NCKAP5: variants seen among roughly 807,000 people sequenced by gnomAD.
NCKAP5 encodes the protein nck-associated protein 5.
NCKAP5 carries 92 observed loss-of-function variants against 167.0 expected under a neutral mutation model. The observed-to-expected ratio is 0.55, with a 90% CI of 0.47 to 0.66. The LOEUF is 0.66. NCKAP5 is among the 30% of genes least tolerant of loss of function. The probability of loss-of-function intolerance (pLI) is 0.00; values close to 1 mark genes in which losing one functional copy is unlikely to be tolerated. For missense variants in NCKAP5, 2,378 were observed against 2,315.0 expected, an observed-to-expected ratio of 1.03 and a Z score of -0.56; for synonymous variants, 891 against 877.4, an observed-to-expected ratio of 1.02 and a Z score of -0.27.
At chr2:133,231,739 A>G (rs888329145) in intron 4 of NCKAP5, among the ~76,000 whole-genome samples, 13 of 152,336 alleles carry the variant, frequency 8.5e-5, no homozygotes, top group African/African-American at 3.1e-4. Context: ...TAACAGTGGC[A>G]AATAAAACCA....
intron 7 of NCKAP5, among the ~76,000 whole-genome samples, chr2:132,979,515 T>A (rs928453665): frequency 6.6e-6 from 1 of 152,124 alleles, no homozygotes; most frequent in Non-Finnish European, 1.5e-5. Context: ...CTTCAAACAT[T>A]TCTGGGAACT....
chr2:133,033,733 C>A (rs981725814), intron 6 of NCKAP5, among the ~76,000 whole-genome samples: 1 of 151,906 alleles, frequency 6.6e-6, no homozygotes, highest in African/African-American at 2.4e-5. Context: ...CTGAAGAACA[C>A]ATCAGAGTCC....
intron 6 of NCKAP5, chr2:133,117,639 C>G (rs961000555): frequency 7.9e-5 from 12 of 152,198 alleles, no homozygotes; most frequent in African/African-American, 2.9e-4. Context: ...AGGCAATAGA[C>G]TTGTAAGTGT....
rs2080999797 is a variant in NCKAP5, at chr2:133,086,586, G to A, written c.341+43392C>T. Among the ~76,000 whole-genome samples the A allele has an allele frequency of 2.0e-5, 3 of 152,220 alleles. 1 individual carries two copies. In the South Asian group the frequency reaches 6.2e-4, roughly 32 times the overall value. Reference sequence around the variant, plus strand: ...GAGCCTAGGAATTCAATGCTGCAGAGAGCTATGATCATGCCACTGCACTCC... The same window carrying A: ...GAGCCTAGGAATTCAATGCTGCAGAAAGCTATGATCATGCCACTGCACTCC... On this transcript the variant is annotated intron_variant, in intron 6 of 19. Transcript: ENST00000409261.
chr2:133,103,942 A>G (rs1306430859), intron 6 of NCKAP5, among the ~76,000 whole-genome samples: 1 of 152,068 alleles, frequency 6.6e-6, no homozygotes, highest in South Asian at 2.1e-4. Flanking sequence ...CTTCTTAGGT[A>G]ATCATGGTAC....
At chr2:133,137,756 G>C (rs548431657) in intron 5 of NCKAP5, among the ~76,000 whole-genome samples, 53 of 152,284 alleles carry the variant, frequency 3.5e-4, no homozygotes, top group Non-Finnish European at 6.9e-4. Flanking sequence ...AAATGAAGGT[G>C]TTAGGAATAC....
chr2:133,442,455 T>A (rs1337656981), intron 3 of NCKAP5, among the ~76,000 whole-genome samples: 1 of 152,202 alleles, frequency 6.6e-6, no homozygotes, highest in African/African-American at 2.4e-5. Context: ...ATGAACTTAT[T>A]GTCCGCACCA....
chr2:133,213,222 G>A (rs1318636409), intron 5 of NCKAP5, among the ~76,000 whole-genome samples: 2 of 152,096 alleles, frequency 1.3e-5, no homozygotes, highest in Admixed American at 6.5e-5. Flanking sequence ...AAAATACAAG[G>A]AAACATCAGT....
intron 6 of NCKAP5, among the ~76,000 whole-genome samples, chr2:133,041,861 G>A (rs2079229077): frequency 6.6e-6 from 1 of 152,088 alleles, no homozygotes; most frequent in Non-Finnish European, 1.5e-5. Flanking sequence ...TACATTTTTT[G>A]TAAAATAAAG....
intron 9 of NCKAP5, among the ~76,000 whole-genome samples, chr2:132,869,290 T>C (rs1690608021): frequency 6.6e-6 from 1 of 152,306 alleles, no homozygotes; most frequent in African/African-American, 2.4e-5. Flanking sequence ...AAAAATGATA[T>C]AGTGCAAAAC....
At chr2:133,543,375 T>C (rs900787120) in intron 2 of NCKAP5, among the ~76,000 whole-genome samples, 2 of 152,160 alleles carry the variant, frequency 1.3e-5, no homozygotes, top group African/African-American at 4.8e-5. Context: ...TCTTTATAAA[T>C]TACCCAGCCT....
At chr2:133,448,726 AC>A (rs1195266174) in intron 3 of NCKAP5, among the ~76,000 whole-genome samples, 2 of 151,854 alleles carry the variant, frequency 1.3e-5, no homozygotes, top group African/African-American at 4.8e-5. Context: ...TACAGCCTTG[AC>A]CCCCCAGGCT....
chr2:132,675,999 A>G (rs543320537), intron 19 of NCKAP5, among the ~76,000 whole-genome samples: 8 of 152,336 alleles, frequency 5.3e-5, no homozygotes, highest in Non-Finnish European at 8.8e-5. Flanking sequence ...GTCTCTAGGC[A>G]GAGCAGCCAT....
the NCKAP5 span, among the ~76,000 whole-genome samples, chr2:133,660,119 CAT>C: frequency 6.6e-6 from 1 of 152,192 alleles, no homozygotes; most frequent in Admixed American, 6.5e-5. Flanking sequence ...CTTGTGTCCA[CAT>C]GTGTCTCACC....
chr2:132,719,462 G>A (rs1017023665), intron 19 of NCKAP5, among the ~76,000 whole-genome samples: 1 of 152,228 alleles, frequency 6.6e-6, no homozygotes, highest in African/African-American at 2.4e-5. Flanking sequence ...TGGTGATTTT[G>A]GAGAGATACA....
chr2:133,034,294 T>G (rs1251477839), intron 6 of NCKAP5, among the ~76,000 whole-genome samples: 3 of 151,936 alleles, frequency 2.0e-5, no homozygotes, highest in Non-Finnish European at 2.9e-5. Flanking sequence ...AAGGAAGAAA[T>G]AAAGATGTTC....
rs769892792 is a variant in NCKAP5, at chr2:132,783,771, C to T, written c.3040G>A (p.Ala1014Thr). The T allele has an allele frequency of 4.2e-5, 67 of 1,582,164 alleles. No homozygotes were observed. The highest frequency in any genetic ancestry group is 5.2e-5 in the Non-Finnish European group (61 of 1,165,628). The change falls in exon 14 of 20, where the codon GCA becomes ACA. Residue 1014 changes from alanine to threonine, a missense_variant. By Grantham distance (58) the Ala-to-Thr change is moderately conservative. This residue lies in a region of NCKAP5 where 1,325 missense variants were observed against 1,274.5 expected (regional missense o/e 1.04). Coordinates refer to ENST00000409261, the MANE Select transcript of NCKAP5 (RefSeq NM_207363.3). ...IFTHPMPSPE[A>T]VIQTRCPAHA... is the part of the protein sequence containing the mutation. ...GCAGGGCATCGGGTTTGAATGACTG[C>T]TTCTGGGGAGGGCATAGGGTGAGTG...
At chr2:132,946,323 CA>C (rs1414953833) in intron 8 of NCKAP5, among the ~76,000 whole-genome samples, 1 of 152,022 alleles carries the variant, frequency 6.6e-6, no homozygotes, top group Non-Finnish European at 1.5e-5. Flanking sequence ...GGAAAACAGG[CA>C]ATTGATACTG....
intron 6 of NCKAP5, among the ~76,000 whole-genome samples, chr2:133,076,069 T>C (rs1435981448): frequency 6.6e-6 from 1 of 152,216 alleles, no homozygotes; most frequent in Non-Finnish European, 1.5e-5. Context: ...TTCCAAAGTT[T>C]ATCTTTTCTG....
Sources: allele counts gnomAD v4.1 joint callset (sites outside exome capture counted in the v4.1 genomes callset), GRCh38; gene constraint gnomAD v4.1.1; regional missense constraint gnomAD v4.1.1; transcripts MANE v1.5; gene names NCBI Gene and HGNC (gene_info 2026-07-23, HGNC 2026-07-21).